PARD3B: variants seen among roughly 807,000 people sequenced by gnomAD.
The protein encoded by PARD3B is partitioning defective 3 homolog B.
PARD3B carries 103 observed loss-of-function variants against 130.2 expected under a neutral mutation model. The ratio of observed to expected loss-of-function variants is 0.79; its 90% CI spans 0.67 to 0.93. PARD3B has a LOEUF of 0.93. Among genes scored for constraint, PARD3B ranks in the 40% least tolerant of loss-of-function variants. The probability of loss-of-function intolerance (pLI) is 0.00; values close to 1 mark genes in which losing one functional copy is unlikely to be tolerated. For missense variants in PARD3B, 1,609 were observed against 1,499.2 expected (o/e 1.07, Z -1.21); for synonymous variants, 583 against 553.2 (o/e 1.05, Z -0.76).
At chr2:205,156,296 A>T (rs1299615012) in intron 10 of PARD3B, among the ~76,000 whole-genome samples, 2 of 150,642 alleles carry the variant, frequency 1.3e-5, no homozygotes, top group East Asian at 2.0e-4. Context: ...TAGCATTAGG[A>T]GATATACCTA....
At chr2:205,022,458 T>TA (rs1443306011) in intron 3 of PARD3B, among the ~76,000 whole-genome samples, 1 of 152,226 alleles carries the variant, frequency 6.6e-6, no homozygotes, top group African/African-American at 2.4e-5. Flanking sequence ...ATTTTTCTCA[T>TA]AAAATATGCA....
In PARD3B at chr2:204,803,163, AAT is replaced by A. The variant is rs1553528189; in HGVS notation, c.222+116899_222+116900del. Among the ~76,000 whole-genome samples the A allele has an allele frequency of 3.0e-4, 27 of 90,762 alleles. 1 individual carries two copies. The highest frequency in any genetic ancestry group is 9.3e-4 in the East Asian group (3 of 3,212). 59.5% of individuals were successfully genotyped at this position (90,762 alleles called of 152,430 possible). On this transcript the variant is annotated intron_variant, in intron 2 of 22. Transcript: ENST00000406610. ...CTGAAGGAAAAAAAAAAAAAAAAAA[AAT>A]ATATATATATATATATAATCCTAGA...
chr2:205,498,603 G>A (rs947012515), intron 20 of PARD3B, among the ~76,000 whole-genome samples: 1 of 152,226 alleles, frequency 6.6e-6, no homozygotes, highest in African/African-American at 2.4e-5. Context: ...CCTGGTATGT[G>A]TGTAAGGCAG....
At chr2:205,396,029 C>T (rs1364388899) in intron 18 of PARD3B, among the ~76,000 whole-genome samples, 3 of 152,194 alleles carry the variant, frequency 2.0e-5, no homozygotes, top group Non-Finnish European at 2.9e-5. Context: ...TCTCATCTCC[C>T]AGCCTCTGGC....
chr2:204,666,094 A>G (rs10180873), intron 1 of PARD3B, among the ~76,000 whole-genome samples: 11 of 152,160 alleles, frequency 7.2e-5, no homozygotes, highest in African/African-American at 2.7e-4. Flanking sequence ...GAGCCCAGGC[A>G]ATCTTTATAA....
At chr2:204,937,828 A>T (rs1024692101) in intron 2 of PARD3B, among the ~76,000 whole-genome samples, 3 of 152,182 alleles carry the variant, frequency 2.0e-5, no homozygotes, top group African/African-American at 7.2e-5. Flanking sequence ...ACCCAAGTAA[A>T]TATGTAATAA....
intron 20 of PARD3B, among the ~76,000 whole-genome samples, chr2:205,482,086 T>A (rs1449528290): frequency 6.6e-6 from 1 of 152,166 alleles, no homozygotes; most frequent in African/African-American, 2.4e-5. Flanking sequence ...GGGGATCATA[T>A]GTTGAATAGA....
chr2:205,292,710 G>A lies in PARD3B; in HGVS notation c.2186-7820G>A, dbSNP rs2041653418. Among the ~76,000 whole-genome samples the A allele has an allele frequency of 6.6e-6, 1 of 151,966 alleles. No homozygotes were observed. Among genetic ancestry groups the A allele is most frequent in the African/African-American group, 2.4e-5 (1 of 41,376 alleles). On this transcript the variant is annotated intron_variant, in intron 16 of 22. Transcript: ENST00000406610. This position sits in a 1 kb window ranked among gnomAD's most constrained non-coding sequence, Gnocchi z 5.3. ...GCCCATCCTCCCACCTTTTTTTCTA[G>A]TTTTCTCTCATCATGAACATACAGT...
Position 204,675,153 on chromosome 2 carries a change from AT to A in PARD3B, c.121-11023del, listed in dbSNP as rs1234611592. On this transcript the variant is annotated intron_variant, in intron 1 of 22. Coordinates refer to ENST00000406610, the MANE Select transcript of PARD3B (RefSeq NM_001302769.2). This position sits in a 1 kb window ranked among gnomAD's most constrained non-coding sequence, Gnocchi z 4.4. ...TTGGAAACAAATAATGGAAAACAGGATTTTTAAAAAATCAGCTGTTTTCTTT... is the reference window on the plus strand; with the variant it reads ...TTGGAAACAAATAATGGAAAACAGGATTTTAAAAAATCAGCTGTTTTCTTT... Among the ~76,000 whole-genome samples the A allele has an allele frequency of 6.6e-6, 1 of 152,134 alleles. No homozygotes were observed. Among genetic ancestry groups the A allele is most frequent in the African/African-American group, 2.4e-5 (1 of 41,430 alleles).
At chr2:205,582,014 C>CAT (rs2054008871) in intron 22 of PARD3B, among the ~76,000 whole-genome samples, 1 of 152,166 alleles carries the variant, frequency 6.6e-6, no homozygotes, top group Admixed American at 6.5e-5. Flanking sequence ...AGGAGTCATG[C>CAT]ATTAGCCAAC....
At chr2:204,614,990 G>C (rs1039392827) in intron 1 of PARD3B, among the ~76,000 whole-genome samples, 7 of 152,120 alleles carry the variant, frequency 4.6e-5, no homozygotes, top group Non-Finnish European at 8.8e-5. Context: ...TTTATGTGAG[G>C]TAAATGTTTT....
chr2:205,384,359 A>G (rs1217576855), intron 18 of PARD3B, among the ~76,000 whole-genome samples: 1 of 152,136 alleles, frequency 6.6e-6, no homozygotes, highest in Non-Finnish European at 1.5e-5. Context: ...AAAAAGGGGA[A>G]GCACAGGCTG....
At chr2:205,174,447 A>G (rs7597102) in intron 12 of PARD3B, among the ~76,000 whole-genome samples, 25,061 of 152,188 alleles carry the variant, frequency 0.16, 2,257 homozygotes, top group Middle Eastern at 0.24. Context: ...ATTAAAGAGC[A>G]TTGTTTCTTA....
chr2:204,960,099 G>T (rs1355069272), intron 2 of PARD3B, among the ~76,000 whole-genome samples: 1 of 152,160 alleles, frequency 6.6e-6, no homozygotes, highest in Admixed American at 6.5e-5. Context: ...AATAAAGCTG[G>T]ACACATCACT....
rs1172362675 is a variant in PARD3B at position 204,546,041 on chromosome 2, G to T, written c.42G>T (p.Val14=). ...GCTTCGGCAGGACGGGCATCGTGGT[G>T]CCCTGCAAGGAGGGCCAGCTGCGCG... The part of the protein sequence containing the change: ...TVCFGRTGIV[V]PCKEGQLRVG... The change falls in exon 1 of 23, where the codon GTG becomes GTT. Residue 14 remains valine, a synonymous_variant. Transcript: ENST00000406610. The T allele has an allele frequency of 6.4e-7, 1 of 1,567,114 alleles. No homozygotes were observed. The highest frequency in any genetic ancestry group is 1.2e-5 in the South Asian group (1 of 85,678).
At chr2:204,624,473 A>G (rs115870398) in intron 1 of PARD3B, among the ~76,000 whole-genome samples, 3,809 of 152,284 alleles carry the variant, frequency 0.025, 65 homozygotes, top group Non-Finnish European at 0.037. Context: ...GGGTACCTAT[A>G]CAAAAGAATT....
chr2:205,445,859 A>C (rs1175651101), intron 20 of PARD3B, among the ~76,000 whole-genome samples: 1 of 152,130 alleles, frequency 6.6e-6, no homozygotes, highest in African/African-American at 2.4e-5. Flanking sequence ...GCCATTTTTT[A>C]TTTTCATGCA....
chr2:205,430,951 A>C (rs1183300906), intron 19 of PARD3B, among the ~76,000 whole-genome samples: 4 of 152,260 alleles, frequency 2.6e-5, no homozygotes. Context: ...TAGGTGAAAT[A>C]ATGGCATAAT....
intron 18 of PARD3B, among the ~76,000 whole-genome samples, chr2:205,305,269 C>G (rs1473051056): frequency 6.6e-6 from 1 of 152,144 alleles, no homozygotes; most frequent in Non-Finnish European, 1.5e-5. Context: ...TGACCCATTT[C>G]TAAGTTCAGT....
Sources: allele counts gnomAD v4.1 joint callset (sites outside exome capture counted in the v4.1 genomes callset), GRCh38; gene constraint gnomAD v4.1.1; non-coding constraint Gnocchi (gnomAD v3.1); transcripts MANE v1.5; gene names NCBI Gene and HGNC (gene_info 2026-07-23, HGNC 2026-07-21).